The following DZANK1 variants were observed in gnomAD, a reference collection of about 807,000 sequenced individuals.
DZANK1 encodes the protein double zinc ribbon and ankyrin repeat-containing protein 1.
In DZANK1, 91 loss-of-function variants were observed where a neutral mutation model predicts 94.5. That is an observed-to-expected ratio of 0.96 (90% CI 0.81 to 1.15). The LOEUF (loss-of-function observed/expected upper bound fraction) is 1.15, where lower values mean the gene tolerates loss of function less well. DZANK1 is among the 50% of genes most tolerant of loss of function. The probability of loss-of-function intolerance (pLI) is 0.00; values close to 1 mark genes in which losing one functional copy is unlikely to be tolerated. For missense variants in DZANK1, 903 were observed against 916.4 expected, an observed-to-expected ratio of 0.99 and a Z score of 0.19; for synonymous variants, 312 against 325.3, an observed-to-expected ratio of 0.96 and a Z score of 0.44.
chr20:18,399,693 G>A (rs1422910226), intron 13 of DZANK1, among the ~76,000 whole-genome samples: 1 of 152,160 alleles, frequency 6.6e-6, no homozygotes, highest in African/African-American at 2.4e-5. Context: ...TAAAACTTGG[G>A]AGATTTCACG....
At chr20:18,387,385 A>G (rs2048568135) in intron 19 of DZANK1, among the ~76,000 whole-genome samples, 1 of 152,222 alleles carries the variant, frequency 6.6e-6, no homozygotes, top group African/African-American at 2.4e-5. Context: ...TACTATTCAT[A>G]TACAAACAAT....
At chr20:18,438,218 C>CAA (rs761846698) in intron 8 of DZANK1, among the ~76,000 whole-genome samples, 13,958 of 57,502 alleles carry the variant, frequency 0.24, 2,821 homozygotes, top group Non-Finnish European at 0.27. Flanking sequence ...GACTCTGTCT[C>CAA]AAAAAAAAAA....
chr20:18,441,647 A>G lies in DZANK1; in HGVS notation c.747+1700T>C, dbSNP rs2058718604. On this transcript the variant is annotated intron_variant, in intron 8 of 20. Coordinates refer to ENST00000262547, the Ensembl canonical transcript of DZANK1. The surrounding 1 kb of genome is among the most constrained non-coding windows in gnomAD (Gnocchi z 4.1). The stretch of plus-strand genomic sequence containing the variant: ...CTTCATTGAATTGAGTGTGGTTGTC[A>G]CCCACCGGATGGCAGAGAAGTTCAC... Among the ~76,000 whole-genome samples, 2 of 152,220 alleles carry G rather than the reference A, an allele frequency of 1.3e-5. No homozygotes were observed. Among genetic ancestry groups the G allele is most frequent in the Non-Finnish European group, 2.9e-5 (2 of 68,048 alleles).
At chr20:18,408,380 G>A (rs1686739350) in intron 13 of DZANK1, among the ~76,000 whole-genome samples, 1 of 152,058 alleles carries the variant, frequency 6.6e-6, no homozygotes, top group African/African-American at 2.4e-5. Flanking sequence ...CAAACCTAGA[G>A]AAAACTATCA....
chr20:18,384,677 C>T (rs1231834187), intron 20 of DZANK1, 113 bp from the exon 21 acceptor site: 7 of 1,149,432 alleles, frequency 6.1e-6, no homozygotes, highest in Non-Finnish European at 8.4e-6. Flanking sequence ...GGTCCCACCT[C>T]CCCAAACCTC....
chr20:18,398,566 T>C (rs758061055), exon 14 of DZANK1: 3 of 1,613,890 alleles, frequency 1.9e-6, no homozygotes, highest in East Asian at 4.5e-5. Flanking sequence ...GAATTCAGGG[T>C]TGTTCTGAGC....
chr20:18,415,911 G>A (rs1198277363), intron 10 of DZANK1, among the ~76,000 whole-genome samples: 1 of 152,178 alleles, frequency 6.6e-6, no homozygotes, highest in Admixed American at 6.5e-5. Context: ...TTATATTGGG[G>A]ACAGAGGCAG....
chr20:18,453,222 G>C (rs2059166636), intron 5 of DZANK1, among the ~76,000 whole-genome samples: 1 of 152,146 alleles, frequency 6.6e-6, no homozygotes, highest in South Asian at 2.1e-4. Flanking sequence ...CTCTGACATA[G>C]AGAAGCAGCT....
At chr20:18,465,117 TAG>T in intron 2 of DZANK1, 131 bp downstream of exon 2, 1 of 598,332 alleles carries the variant, frequency 1.7e-6, no homozygotes. Context: ...TTTCAAATTT[TAG>T]AAGTTTTACA....
chr20:18,411,746 T>C (rs899656065), intron 13 of DZANK1, among the ~76,000 whole-genome samples: 1 of 152,226 alleles, frequency 6.6e-6, no homozygotes, highest in Non-Finnish European at 1.5e-5. Context: ...TGTGCTGCTA[T>C]AAACAAAATA....
intron 13 of DZANK1, among the ~76,000 whole-genome samples, chr20:18,404,125 T>G: frequency 7.4e-6 from 1 of 134,602 alleles, no homozygotes; most frequent in South Asian, 2.2e-4. Context: ...CATTATGAGA[T>G]TTTTTTTTTT....
At chr20:18,386,089 C>T (rs1051003486) in intron 19 of DZANK1, among the ~76,000 whole-genome samples, 33 of 152,316 alleles carry the variant, frequency 2.2e-4, no homozygotes, top group Non-Finnish European at 1.8e-4. Flanking sequence ...CTTCCTTTGA[C>T]GCCATCACCC....
intron 3 of DZANK1, among the ~76,000 whole-genome samples, chr20:18,459,809 C>G (rs2059413341): frequency 6.6e-6 from 1 of 152,074 alleles, no homozygotes; most frequent in Non-Finnish European, 1.5e-5. Flanking sequence ...AAGAGCCACT[C>G]CGCGAACACA....
intron 19 of DZANK1, among the ~76,000 whole-genome samples, chr20:18,386,440 CA>C (rs368567891): frequency 3.9e-5 from 6 of 152,228 alleles, no homozygotes; most frequent in Non-Finnish European, 7.4e-5. Flanking sequence ...GAATTTAAAA[CA>C]AGACAAAAAT....
intron 9 of DZANK1, among the ~76,000 whole-genome samples, chr20:18,431,383 G>A (rs943630990): frequency 3.9e-5 from 6 of 152,132 alleles, no homozygotes; most frequent in East Asian, 1.9e-4. Flanking sequence ...AGAGACCAAC[G>A]CAGAAAGGGG....
At chr20:18,453,893 T>G (rs562597521) in intron 4 of DZANK1, 66 bp from the exon 5 acceptor site, 1 of 990,520 alleles carries the variant, frequency 1.0e-6, no homozygotes, top group Admixed American at 1.7e-5. Context: ...AGCTGCATGA[T>G]AGAGAAAGTG....
chr20:18,414,600 C>T, intron 11 of DZANK1, 88 bp from the exon 12 acceptor site: 5 of 1,442,190 alleles, frequency 3.5e-6, no homozygotes, highest in Non-Finnish European at 4.7e-6. Flanking sequence ...AACATATGCC[C>T]AGACTCTCTG....
rs57734853 is a variant in DZANK1, at chr20:18,419,676, T to C, written c.955-4227A>G. 2.4e-3 allele frequency among the ~76,000 whole-genome samples: 363 copies of C among 152,288 alleles called. 5 individuals are homozygous for C. The highest frequency in any genetic ancestry group is 0.02 in the Admixed American group (305 of 15,298). ...AAATAACTGTCAGCCCAGAATTACA[T>C]ATTCATCAAAAATACTCTTTGAGAA... is the stretch of plus-strand genomic sequence containing the variant. On this transcript the variant is annotated intron_variant, in intron 10 of 20. Transcript: ENST00000262547.
At chr20:18,396,696 A>G in intron 14 of DZANK1, 150 bp from the exon 15 acceptor site, 1 of 563,452 alleles carries the variant, frequency 1.8e-6, no homozygotes. Flanking sequence ...AAACAGAGCA[A>G]CAAAAACTAG....
Sources: allele counts gnomAD v4.1 joint callset (sites outside exome capture counted in the v4.1 genomes callset), GRCh38; gene constraint gnomAD v4.1.1; non-coding constraint Gnocchi (gnomAD v3.1); transcripts MANE v1.5; gene names NCBI Gene and HGNC (gene_info 2026-07-23, HGNC 2026-07-21).